SLCO3A1: variants seen among roughly 807,000 people sequenced by gnomAD.
SLCO3A1 encodes the protein solute carrier organic anion transporter family member 3A1, also known as PGE1 transporter.
A neutral mutation model predicts 63.1 loss-of-function variants in SLCO3A1; 27 were observed. The ratio of observed to expected loss-of-function variants is 0.43; its 90% CI spans 0.32 to 0.59. The LOEUF is 0.59. Ranked by LOEUF, SLCO3A1 falls within the 20% of genes least tolerant of loss-of-function variation. The probability of loss-of-function intolerance (pLI) is 0.09; values close to 1 mark genes in which losing one functional copy is unlikely to be tolerated. For missense variants in SLCO3A1, 773 were observed against 945.8 expected (o/e 0.82, Z 2.40); for synonymous variants, 473 against 409.9 (o/e 1.15, Z -1.86).
chr15:92,029,419 C>A (rs1449587504), intron 2 of SLCO3A1, among the ~76,000 whole-genome samples: 1 of 152,226 alleles, frequency 6.6e-6, no homozygotes, highest in Non-Finnish European at 1.5e-5. Flanking sequence ...AGACTATTCC[C>A]AGGCTTGGTA....
intron 2 of SLCO3A1, among the ~76,000 whole-genome samples, chr15:91,957,952 C>T (rs960116613): frequency 2.6e-5 from 4 of 152,014 alleles, no homozygotes; most frequent in African/African-American, 7.3e-5. Flanking sequence ...TGAAAGGGAA[C>T]GACTGAGTCT....
chr15:92,024,021 G>A (rs1403134929), intron 2 of SLCO3A1, among the ~76,000 whole-genome samples: 2 of 152,262 alleles, frequency 1.3e-5, no homozygotes, highest in African/African-American at 2.4e-5. Context: ...TGTGGTCCCT[G>A]GTTCCTCTGT....
chr15:92,026,006 C>T (rs2046569471), intron 2 of SLCO3A1, among the ~76,000 whole-genome samples: 1 of 152,170 alleles, frequency 6.6e-6, no homozygotes, highest in African/African-American at 2.4e-5. Context: ...GTCCTTTGGC[C>T]TGTTTCTTTT....
At chr15:91,940,177 G>A (rs1258524538) in intron 2 of SLCO3A1, among the ~76,000 whole-genome samples, 2 of 152,232 alleles carry the variant, frequency 1.3e-5, no homozygotes, top group African/African-American at 4.8e-5. Flanking sequence ...CTCCTGCCTG[G>A]CATTGGAGCC....
chr15:91,926,166 T>C (rs535826059), intron 2 of SLCO3A1, among the ~76,000 whole-genome samples: 24 of 152,322 alleles, frequency 1.6e-4, no homozygotes, highest in Admixed American at 1.2e-3. Flanking sequence ...CTTGAAAGCG[T>C]TGGCTTAGCT....
At chr15:91,909,089 A>G (rs559546634) in intron 1 of SLCO3A1, among the ~76,000 whole-genome samples, 2 of 152,124 alleles carry the variant, frequency 1.3e-5, no homozygotes, top group Non-Finnish European at 2.9e-5. Flanking sequence ...CAAACAAACA[A>G]AGAAACCCAA....
rs1898669473 is a variant in SLCO3A1 at position 91,916,599 on chromosome 15, GCCTGGGGGTGCAA to G, written c.646+148_646+160del. 9.1e-6 allele frequency: 6 copies of G among 660,984 alleles called. No homozygotes were observed. The South Asian group carries it at 1.3e-4, about 14-fold the overall frequency. 40.9% of individuals were successfully genotyped at this position (660,984 alleles called of 1,614,324 possible). On this transcript the variant is annotated intron_variant, in intron 2 of 9. Coordinates refer to ENST00000318445, the MANE Select transcript of SLCO3A1 (RefSeq NM_013272.4). The surrounding 1 kb of genome is among the most constrained non-coding windows in gnomAD (Gnocchi z 6.2). ...CCTAGTGTTCTTGAAAAATACTCATGCCTGGGGGTGCAACCTGGGCATTGAGACGTTTTTAAAA... is the reference window on the plus strand; with the variant it reads ...CCTAGTGTTCTTGAAAAATACTCATGCCTGGGCATTGAGACGTTTTTAAAA...
chr15:92,163,283 T>C lies in SLCO3A1; in HGVS notation c.*148T>C. The stretch of plus-strand genomic sequence containing the variant: ...CACGCAGACAGACACACCGACTTTG[T>C]CCTTTTTCTCAGCATCAGAGCCAGA... On this transcript the variant is annotated 3_prime_UTR_variant, in exon 10 of 10. Transcript: ENST00000318445. 9 of 1,312,418 alleles carry C rather than the reference T, an allele frequency of 6.9e-6. No individual in the cohort carries two copies. The East Asian group carries it at 1.2e-4, about 17-fold the overall frequency. The allele number at this position is 1,312,418 out of a possible 1,614,324, so 81.3% of individuals were successfully genotyped here.
At chr15:91,953,425 G>A (rs1315338823) in intron 2 of SLCO3A1, among the ~76,000 whole-genome samples, 2 of 152,148 alleles carry the variant, frequency 1.3e-5, no homozygotes, top group East Asian at 1.9e-4. Flanking sequence ...TGGTGAATGC[G>A]GTGGGGGGAG....
At chr15:92,099,712 G>C (rs944630600) in intron 3 of SLCO3A1, among the ~76,000 whole-genome samples, 1 of 152,116 alleles carries the variant, frequency 6.6e-6, no homozygotes, top group African/African-American at 2.4e-5. Context: ...CCCAACACAA[G>C]CAAGAAATAA....
intron 1 of SLCO3A1, among the ~76,000 whole-genome samples, chr15:91,888,412 A>C (rs1387897081): frequency 6.6e-6 from 1 of 152,230 alleles, no homozygotes; most frequent in Non-Finnish European, 1.5e-5. Context: ...TCAGTCATGC[A>C]ATCCAGTTAT....
intron 7 of SLCO3A1, among the ~76,000 whole-genome samples, chr15:92,143,839 G>A (rs1455272541): frequency 6.6e-6 from 1 of 152,110 alleles, no homozygotes; most frequent in African/African-American, 2.4e-5. Context: ...CTCACTAGAC[G>A]CCCCTGGCAC....
chr15:92,143,157 AG>A (rs1478391891), intron 7 of SLCO3A1, among the ~76,000 whole-genome samples: 2 of 149,294 alleles, frequency 1.3e-5, no homozygotes, highest in Admixed American at 1.4e-4. Context: ...GCCACCCACA[AG>A]GGGCCCATTT....
rs566480196 is a variant in SLCO3A1, at chr15:92,100,046, A to G, written c.746-4233A>G. ...TCACCACTGCACTACAGCCTGGGCAATAGAGTGAAACTCCATCTCAAAAAA... is the reference window on the plus strand; with the variant it reads ...TCACCACTGCACTACAGCCTGGGCAGTAGAGTGAAACTCCATCTCAAAAAA... On this transcript the variant is annotated intron_variant, in intron 3 of 9. Coordinates refer to ENST00000318445, the MANE Select transcript of SLCO3A1 (RefSeq NM_013272.4). Among the ~76,000 whole-genome samples the G allele has an allele frequency of 2.7e-5, 4 of 149,888 alleles. No individual in the cohort carries two copies. In the East Asian group the frequency reaches 5.9e-4, roughly 22 times the overall value.
intron 7 of SLCO3A1, among the ~76,000 whole-genome samples, chr15:92,145,226 C>T (rs1384214839): frequency 3.3e-5 from 5 of 152,058 alleles, no homozygotes; most frequent in East Asian, 1.9e-4. Context: ...CAGCTGAGAG[C>T]GTGGGAGAAA....
At chr15:92,101,406 G>A (rs540118798) in intron 3 of SLCO3A1, among the ~76,000 whole-genome samples, 90 of 152,268 alleles carry the variant, frequency 5.9e-4, no homozygotes, top group African/African-American at 2.1e-3. Flanking sequence ...CTACTTGAGA[G>A]GCTAAGGCAG....
intron 3 of SLCO3A1, 111 bp downstream of exon 3, chr15:92,095,090 G>A: frequency 3.4e-6 from 2 of 590,080 alleles, no homozygotes; most frequent in Non-Finnish European, 6.1e-6. Flanking sequence ...CAGTCTTGAT[G>A]CCCCTGCCTC....
chr15:92,103,517 G>C (rs2047630531), intron 3 of SLCO3A1, among the ~76,000 whole-genome samples: 1 of 109,806 alleles, frequency 9.1e-6, no homozygotes, highest in Non-Finnish European at 2.0e-5. Flanking sequence ...CACCAACAAA[G>C]TTGGCATTAA....
chr15:92,112,594 G>A (rs1405020419), intron 4 of SLCO3A1, among the ~76,000 whole-genome samples: 6 of 152,220 alleles, frequency 3.9e-5, no homozygotes, highest in South Asian at 4.1e-4. Flanking sequence ...GCCAGAAGCA[G>A]TGGGGGGTTC....
Sources: gnomAD v4.1 joint callset for allele counts (sites outside exome capture counted in the v4.1 genomes callset) on GRCh38, gnomAD v4.1.1 for gene constraint, Gnocchi (gnomAD v3.1) non-coding constraint, MANE v1.5 for transcripts, NCBI Gene and HGNC (gene_info 2026-07-23, HGNC 2026-07-21) for gene names.